Variants in PRKN observed in about 807,000 individuals in gnomAD.
The protein encoded by PRKN is E3 ubiquitin-protein ligase parkin.
PRKN carries 56 observed loss-of-function variants against 59.5 expected under a neutral mutation model. The ratio of observed to expected loss-of-function variants is 0.94; its 90% CI spans 0.76 to 1.18. PRKN has a LOEUF of 1.18. Among genes scored for constraint, PRKN ranks in the 50% most tolerant of loss-of-function variants. PRKN has a pLI of 0.00. For synonymous variants in PRKN, 250 were observed against 222.1 expected, an observed-to-expected ratio of 1.13 and a Z score of -1.12; for missense variants, 657 against 596.4, an observed-to-expected ratio of 1.10 and a Z score of -1.06.
chr6:161,545,530 A>C lies in PRKN; in HGVS notation c.1083+3324T>G, dbSNP rs921132678. 2 of 914,688 alleles carry C rather than the reference A, an allele frequency of 2.2e-6. No individual in the cohort carries two copies. Among genetic ancestry groups the C allele is most frequent in the South Asian group, 2.8e-5 (2 of 71,980 alleles). 56.7% of individuals were successfully genotyped at this position (914,688 alleles called of 1,614,324 possible). A position where few individuals can be genotyped will look rare whatever the true frequency, so the allele number is the denominator to read the frequency against. On this transcript the variant is annotated intron_variant, in intron 9 of 11. Transcript: ENST00000366898. The surrounding 1 kb of genome is among the most constrained non-coding windows in gnomAD (Gnocchi z 4.1). ...TTCTGAAATGACATAATCTAACCAC[A>C]ATTTCTTCCAGACAATGGCTTTCCA...
At chr6:161,878,585 A>G (rs185598750) in intron 6 of PRKN, among the ~76,000 whole-genome samples, 3 of 152,346 alleles carry the variant, frequency 2.0e-5, no homozygotes, top group East Asian at 1.9e-4. Context: ...CCATTACGAA[A>G]TGAAAATGCA....
At chr6:162,371,599 T>G (rs1322427163) in intron 2 of PRKN, among the ~76,000 whole-genome samples, 1 of 152,138 alleles carries the variant, frequency 6.6e-6, no homozygotes, top group Non-Finnish European at 1.5e-5. Flanking sequence ...CCAAATAAAA[T>G]AACACAATTA....
chr6:162,203,004 A>G (rs1478088979), intron 3 of PRKN, among the ~76,000 whole-genome samples: 2 of 152,184 alleles, frequency 1.3e-5, no homozygotes, highest in Non-Finnish European at 1.5e-5. Flanking sequence ...AGGAACAGGA[A>G]AAGCAAAAGC....
intron 1 of PRKN, among the ~76,000 whole-genome samples, chr6:162,619,315 A>ATT (rs1562442096): frequency 4.1e-5 from 3 of 72,818 alleles, no homozygotes; most frequent in African/African-American, 2.2e-4. Flanking sequence ...GCTAATTTTT[A>ATT]ATTTTTTTTT....
chr6:161,706,095 CCCT>C (rs2128180689), intron 7 of PRKN, among the ~76,000 whole-genome samples: 1 of 151,980 alleles, frequency 6.6e-6, no homozygotes, highest in East Asian at 1.9e-4. Flanking sequence ...ACTTTCATTC[CCCT>C]CCTTTCCCCC....
intron 2 of PRKN, among the ~76,000 whole-genome samples, chr6:162,404,020 C>A (rs1787934765): frequency 6.6e-6 from 1 of 152,132 alleles, no homozygotes; most frequent in African/African-American, 2.4e-5. Context: ...TCTTCCCTAT[C>A]CTAATACATA....
chr6:162,202,546 T>C (rs1784775136), intron 3 of PRKN, among the ~76,000 whole-genome samples: 1 of 152,194 alleles, frequency 6.6e-6, no homozygotes, highest in Non-Finnish European at 1.5e-5. Context: ...TAAATACATG[T>C]TTATATTGAT....
At chr6:161,696,312 G>A (rs965660559) in intron 7 of PRKN, among the ~76,000 whole-genome samples, 6 of 152,268 alleles carry the variant, frequency 3.9e-5, no homozygotes, top group East Asian at 1.9e-4. Flanking sequence ...ATATTTGGAC[G>A]GGATATTTGG....
intron 9 of PRKN, among the ~76,000 whole-genome samples, chr6:161,439,560 G>A (rs1046528156): frequency 2.0e-5 from 3 of 152,174 alleles, no homozygotes; most frequent in African/African-American, 7.2e-5. Context: ...AGCTCTCAAC[G>A]GGTACAAGAG....
intron 2 of PRKN, among the ~76,000 whole-genome samples, chr6:162,377,750 G>A (rs928690807): frequency 6.6e-6 from 1 of 152,136 alleles, no homozygotes; most frequent in Non-Finnish European, 1.5e-5. Context: ...AGTGCTAATC[G>A]GGAGAGTAAG....
rs1781873075 is a variant in PRKN, at chr6:161,595,262, C to T, written c.872-25846G>A. ...GCAAAAAGTTGAGAGGGAAGTTTTT[C>T]TGGTAATCTCTCACATTCAACAAAC... On this transcript the variant is annotated intron_variant, in intron 7 of 11. Coordinates refer to ENST00000366898, the MANE Select transcript of PRKN (RefSeq NM_004562.3). 1.3e-5 allele frequency among the ~76,000 whole-genome samples: 2 copies of T among 152,036 alleles called. 1 individual carries two copies. Among genetic ancestry groups the T allele is most frequent in the South Asian group, 4.1e-4 (2 of 4,824 alleles).
At chr6:162,557,409 C>T (rs1236325219) in intron 1 of PRKN, among the ~76,000 whole-genome samples, 1 of 152,220 alleles carries the variant, frequency 6.6e-6, no homozygotes, top group Non-Finnish European at 1.5e-5. Flanking sequence ...CTGGGTGTGC[C>T]CACGTGGTCT....
chr6:161,669,741 CTG>C (rs1383154024), intron 7 of PRKN, among the ~76,000 whole-genome samples: 1 of 152,234 alleles, frequency 6.6e-6, no homozygotes, highest in Non-Finnish European at 1.5e-5. Context: ...CAACAGCTGA[CTG>C]TGGGATGATC....
chr6:162,070,232 G>C (rs946147187), intron 4 of PRKN, among the ~76,000 whole-genome samples: 4 of 152,154 alleles, frequency 2.6e-5, no homozygotes, highest in Non-Finnish European at 5.9e-5. Flanking sequence ...GGTATATCTT[G>C]ATGATTACAT....
intron 1 of PRKN, among the ~76,000 whole-genome samples, chr6:162,508,822 A>C (rs9365455): frequency 0.19 from 28,825 of 152,096 alleles, 3,014 homozygotes; most frequent in East Asian, 0.48. Context: ...ACTTCACTCC[A>C]GCCTGGGTGA....
At chr6:161,912,418 C>T (rs778214324) in intron 6 of PRKN, among the ~76,000 whole-genome samples, 4 of 151,750 alleles carry the variant, frequency 2.6e-5, no homozygotes, top group African/African-American at 4.8e-5. Context: ...CCTGTACCCC[C>T]CCACCCTCGT....
chr6:162,061,929 A>G (rs1189139105), intron 4 of PRKN, among the ~76,000 whole-genome samples: 1 of 152,254 alleles, frequency 6.6e-6, no homozygotes, highest in African/African-American at 2.4e-5. Flanking sequence ...AAAGACAGGC[A>G]AGTTGGAAGA....
intron 6 of PRKN, among the ~76,000 whole-genome samples, chr6:161,840,409 G>A (rs1443091074): frequency 5.9e-5 from 9 of 152,214 alleles, no homozygotes. Flanking sequence ...CTCGAAGATT[G>A]CCACATCACA....
rs1483639679 is a variant in PRKN at position 161,350,087 on chromosome 6, C to T, written c.*12G>A. 16 of 1,590,426 alleles carry T rather than the reference C, an allele frequency of 1.0e-5. No homozygotes were observed. The highest frequency in any genetic ancestry group is 2.2e-5 in the East Asian group (1 of 44,620). ...CCCCAGGATGTGGCGATGGGGCGCC[C>T]GGCCGCCCTGGCTACACGTCGAACC... On this transcript the variant is annotated 3_prime_UTR_variant, in exon 12 of 12. Coordinates refer to ENST00000366898, the MANE Select transcript of PRKN (RefSeq NM_004562.3).
Sources: gnomAD v4.1 joint callset for allele counts (sites outside exome capture counted in the v4.1 genomes callset) on GRCh38, gnomAD v4.1.1 for gene constraint, Gnocchi (gnomAD v3.1) non-coding constraint, MANE v1.5 for transcripts, NCBI Gene and HGNC (gene_info 2026-07-23, HGNC 2026-07-21) for gene names.